Variants in DNALI1 observed in about 807,000 individuals in gnomAD.
DNALI1 encodes the protein axonemal dynein light intermediate polypeptide 1.
DNALI1 carries 31 observed loss-of-function variants against 33.9 expected under a neutral mutation model. The ratio of observed to expected loss-of-function variants is 0.91; its 90% CI spans 0.69 to 1.23. The LOEUF (loss-of-function observed/expected upper bound fraction) is 1.23, where lower values mean the gene tolerates loss of function less well. DNALI1 is among the 50% of genes most tolerant of loss of function. The probability of loss-of-function intolerance (pLI) is 0.00; values close to 1 mark genes in which losing one functional copy is unlikely to be tolerated. For synonymous variants in DNALI1, 117 were observed against 129.2 expected (o/e 0.91, Z 0.64); for missense variants, 305 against 323.8 (o/e 0.94, Z 0.44).
At chr1:37,564,944 TC>T in intron 5 of DNALI1, 81 bp from the exon 6 acceptor site, 2 of 1,437,908 alleles carry the variant, frequency 1.4e-6, no homozygotes, top group East Asian at 4.5e-5. Context: ...GGATTCTTCT[TC>T]CCAGAGATTT....
chr1:37,557,329 C>G (rs946557174), intron 1 of DNALI1, among the ~76,000 whole-genome samples: 2 of 152,102 alleles, frequency 1.3e-5, no homozygotes, highest in African/African-American at 4.8e-5. Context: ...CTTAATGGTA[C>G]GCGGGTCCAA....
In DNALI1 at chr1:37,565,235, C is replaced by T. The variant is rs1272155344; in HGVS notation, c.*174C>T. The T allele has an allele frequency of 8.8e-6, 6 of 678,004 alleles. No individual in the cohort carries two copies. The East Asian group carries it at 1.6e-4, about 19-fold the overall frequency. 42.0% of individuals were successfully genotyped at this position (678,004 alleles called of 1,614,324 possible). A position where few individuals can be genotyped will look rare whatever the true frequency, so the allele number is the denominator to read the frequency against. ...GTATTTGTTAGAAGTCACACTATTA[C>T]TCCAATGTCATCAGACACCTAAGGT... is the stretch of plus-strand genomic sequence containing the variant. On this transcript the variant is annotated 3_prime_UTR_variant, in exon 6 of 6. Coordinates refer to ENST00000652629, the MANE Select transcript of DNALI1 (RefSeq NM_003462.5).
At chr1:37,563,371 A>G (rs1446215149) in intron 5 of DNALI1, among the ~76,000 whole-genome samples, 2 of 152,250 alleles carry the variant, frequency 1.3e-5, no homozygotes, top group Non-Finnish European at 2.9e-5. Context: ...CATAAGCCTG[A>G]GTTCCTCAGT....
rs749534985 is a variant in DNALI1 at position 37,562,087 on chromosome 1, G to A, written c.583G>A (p.Glu195Lys). The A allele has an allele frequency of 1.2e-6, 2 of 1,613,982 alleles. No homozygotes were observed. The highest frequency in any genetic ancestry group is 1.7e-6 in the Non-Finnish European group (2 of 1,179,972). ...GKSDMERKIA[E>K]LETEKRDLER... ...CTGGGCATTCTCTCCTCAGATCGCA[G>A]AATTGGAGACGGAAAAGAGAGACCT... The change falls in exon 5 of 6, where the codon GAA (glutamate) becomes AAA (lysine). Residue 195 changes from glutamate (E) to lysine (K), a missense_variant. By Grantham distance (56) the Glu-to-Lys change is moderately conservative. Transcript: ENST00000652629. The surrounding 1 kb of genome is among the most constrained non-coding windows in gnomAD (Gnocchi z 5.8).
At position 37,566,787 on chromosome 1, in the gene DNALI1, T is replaced by A. The variant is rs889180071; in HGVS notation, c.*1726T>A. 19 of 1,429,416 alleles carry A rather than the reference T, an allele frequency of 1.3e-5. No individual in the cohort carries two copies. The Middle Eastern group carries it at 6.9e-4, about 52-fold the overall frequency. 88.5% of individuals were successfully genotyped at this position (1,429,416 alleles called of 1,614,324 possible). A position where few individuals can be genotyped will look rare whatever the true frequency, so the allele number is the denominator to read the frequency against. On this transcript the variant is annotated 3_prime_UTR_variant, in exon 6 of 6. Transcript: ENST00000652629. ...TGCATTAGGGCCTTAGAAATGTCAA[T>A]GGGGCAGGAAGAAAACACAATTTCT...
At chr1:37,564,361 C>T (rs1175579324) in intron 5 of DNALI1, among the ~76,000 whole-genome samples, 1 of 151,940 alleles carries the variant, frequency 6.6e-6, no homozygotes, top group East Asian at 1.9e-4. Flanking sequence ...AGCAGAACTC[C>T]CAGGATCCTA....
chr1:37,565,877 G>A lies in DNALI1; in HGVS notation c.*816G>A, dbSNP rs865826535. The A allele has an allele frequency of 1.1e-4, 16 of 152,136 alleles. No individual in the cohort carries two copies. The highest frequency in any genetic ancestry group is 3.4e-4 in the African/African-American group (14 of 41,418). The allele number at this position is 152,136 out of a possible 1,614,324, so 9.4% of individuals were successfully genotyped here. ...GTCTAATGACTAATAATTGGAGTAC[G>A]GCTGCTAGACAACTGCATTTTAGTA... On this transcript the variant is annotated 3_prime_UTR_variant, in exon 6 of 6. Coordinates refer to ENST00000652629, the MANE Select transcript of DNALI1 (RefSeq NM_003462.5).
At position 37,565,412 on chromosome 1, in the gene DNALI1, G is replaced by A. The variant is rs1643488218; in HGVS notation, c.*351G>A. On this transcript the variant is annotated 3_prime_UTR_variant, in exon 6 of 6. Coordinates refer to ENST00000652629, the MANE Select transcript of DNALI1 (RefSeq NM_003462.5). ...TCACTCTATACCAATACTTATTTCT[G>A]GCCAAATGAATCTGCTTCTCTGCCC... is the stretch of plus-strand genomic sequence containing the variant. 4.7e-6 allele frequency: 1 copy of A among 212,460 alleles called. No homozygotes were observed. The highest frequency in any genetic ancestry group is 9.3e-6 in the Non-Finnish European group (1 of 107,970). The allele number at this position is 212,460 out of a possible 1,614,324, so 13.2% of individuals were successfully genotyped here.
rs1441404786 is a variant in DNALI1, at chr1:37,565,229, C to G, written c.*168C>G. 1 of 700,768 alleles carries G rather than the reference C, an allele frequency of 1.4e-6. No homozygotes were observed. The highest frequency in any genetic ancestry group is 2.4e-6 in the Non-Finnish European group (1 of 416,432). The allele number at this position is 700,768 out of a possible 1,614,324, so 43.4% of individuals were successfully genotyped here. On this transcript the variant is annotated 3_prime_UTR_variant, in exon 6 of 6. Coordinates refer to ENST00000652629, the MANE Select transcript of DNALI1 (RefSeq NM_003462.5). Reference sequence around the variant, plus strand: ...ACCTAGGTATTTGTTAGAAGTCACACTATTACTCCAATGTCATCAGACACC... The same window carrying G: ...ACCTAGGTATTTGTTAGAAGTCACAGTATTACTCCAATGTCATCAGACACC...
rs1013084782 is a variant in DNALI1, at chr1:37,557,479, C to A, written c.82-124C>A. On this transcript the variant is annotated intron_variant, in intron 1 of 5. Coordinates refer to ENST00000652629, the MANE Select transcript of DNALI1 (RefSeq NM_003462.5). The stretch of plus-strand genomic sequence containing the variant: ...GTGACATAATTTCTGCTGAGAAGAC[C>A]GACCCAAAGTAGGCTAGGAAGAGGG... 9 of 1,356,568 alleles carry A rather than the reference C, an allele frequency of 6.6e-6. No individual in the cohort carries two copies. The African/African-American group carries it at 1.2e-4, about 18-fold the overall frequency. The allele number at this position is 1,356,568 out of a possible 1,614,324, so 84.0% of individuals were successfully genotyped here. A position where few individuals can be genotyped will look rare whatever the true frequency, so the allele number is the denominator to read the frequency against.
At chr1:37,557,824 A>G in intron 2 of DNALI1, 76 bp downstream of exon 2, 1 of 1,585,600 alleles carries the variant, frequency 6.3e-7, no homozygotes, top group Non-Finnish European at 8.6e-7. Flanking sequence ...GGGGGGAGGC[A>G]CTCTGCCTCT....
intron 5 of DNALI1, among the ~76,000 whole-genome samples, chr1:37,564,181 C>T (rs1395777191): frequency 2.0e-5 from 3 of 151,870 alleles, no homozygotes; most frequent in Non-Finnish European, 4.4e-5. Flanking sequence ...TGCAGTGAAC[C>T]GATATCACAC....
rs1557634972 is a variant in DNALI1 at position 37,566,708 on chromosome 1, G to C, written c.*1647G>C. On this transcript the variant is annotated 3_prime_UTR_variant, in exon 6 of 6. Coordinates refer to ENST00000652629, the MANE Select transcript of DNALI1 (RefSeq NM_003462.5). The stretch of plus-strand genomic sequence containing the variant: ...CACTGAAATCCTTAAGGTTGAGGAG[G>C]CTTTATTTCCCTAGCACTGGTGAAG... 1.4e-6 allele frequency: 1 copy of C among 707,184 alleles called. No individual in the cohort carries two copies. The allele number at this position is 707,184 out of a possible 1,614,324, so 43.8% of individuals were successfully genotyped here.
At chr1:37,564,138 C>T (rs1643471274) in intron 5 of DNALI1, among the ~76,000 whole-genome samples, 1 of 151,490 alleles carries the variant, frequency 6.6e-6, no homozygotes, top group African/African-American at 2.4e-5. Flanking sequence ...GAGGCTGAGG[C>T]AGGAGAATCA....
At position 37,565,293 on chromosome 1, in the gene DNALI1, G is replaced by T; in HGVS notation, c.*232G>T. 1 of 569,616 alleles carries T rather than the reference G, an allele frequency of 1.8e-6. No individual in the cohort carries two copies. The highest frequency in any genetic ancestry group is 3.1e-6 in the Non-Finnish European group (1 of 319,792). The allele number at this position is 569,616 out of a possible 1,614,324, so 35.3% of individuals were successfully genotyped here. A position where few individuals can be genotyped will look rare whatever the true frequency, so the allele number is the denominator to read the frequency against. Reference sequence around the variant, plus strand: ...CCAGGCTCCTGGCTGGGCAATGGAAGATGGTGTGGCCCTGTTAGTCTCCGT... The same window carrying T: ...CCAGGCTCCTGGCTGGGCAATGGAATATGGTGTGGCCCTGTTAGTCTCCGT... On this transcript the variant is annotated 3_prime_UTR_variant, in exon 6 of 6. Transcript: ENST00000652629.
intron 5 of DNALI1, 100 bp from the exon 6 acceptor site, chr1:37,564,926 C>A: frequency 8.1e-7 from 1 of 1,238,746 alleles, no homozygotes; most frequent in Non-Finnish European, 1.2e-6. Context: ...CTTGGAGTGA[C>A]AGCATGTGGA....
intron 2 of DNALI1, among the ~76,000 whole-genome samples, chr1:37,558,901 T>A (rs1390630675): frequency 3.9e-5 from 6 of 152,226 alleles, no homozygotes; most frequent in Admixed American, 1.3e-4. Flanking sequence ...GCACACACCT[T>A]CATGAACCTC....
chr1:37,559,555 T>G lies in DNALI1; in HGVS notation c.397+59T>G, dbSNP rs1643411771. On this transcript the variant is annotated intron_variant, in intron 3 of 5. Coordinates refer to ENST00000652629, the MANE Select transcript of DNALI1 (RefSeq NM_003462.5). This position sits in a 1 kb window ranked among gnomAD's most constrained non-coding sequence, Gnocchi z 5.3. ...ACCCTACTGCTCCCTTCCCTTCACC[T>G]TCAGCACAGATCCAAGCCTGAGCAC... 6.7e-7 allele frequency: 1 copy of G among 1,489,702 alleles called. No homozygotes were observed. Among genetic ancestry groups the G allele is most frequent in the Non-Finnish European group, 9.0e-7 (1 of 1,113,120 alleles). The allele number at this position is 1,489,702 out of a possible 1,614,324, so 92.3% of individuals were successfully genotyped here.
In DNALI1 at chr1:37,562,056, G is replaced by A; in HGVS notation, c.577-25G>A. The A allele has an allele frequency of 6.2e-7, 1 of 1,613,586 alleles. No individual in the cohort carries two copies. The highest frequency in any genetic ancestry group is 8.5e-7 in the Non-Finnish European group (1 of 1,179,784). The stretch of plus-strand genomic sequence containing the variant: ...ATTCCATTCACCTGGCGACATCCCA[G>A]GATGACTGGGCATTCTCTCCTCAGA... On this transcript the variant is annotated intron_variant, in intron 4 of 5. Transcript: ENST00000652629. This position sits in a 1 kb window ranked among gnomAD's most constrained non-coding sequence, Gnocchi z 5.8.
Sources: allele counts gnomAD v4.1 joint callset (sites outside exome capture counted in the v4.1 genomes callset), GRCh38; gene constraint gnomAD v4.1.1; non-coding constraint Gnocchi (gnomAD v3.1); transcripts MANE v1.5; gene names NCBI Gene and HGNC (gene_info 2026-07-23, HGNC 2026-07-21).